Variants in EEF2KMT observed in about 807,000 individuals in gnomAD.
EEF2KMT encodes protein-lysine N-methyltransferase EEF2KMT.
In EEF2KMT, 30 loss-of-function variants were observed where a neutral mutation model predicts 35.1. The ratio of observed to expected loss-of-function variants is 0.85; its 90% confidence interval spans 0.64 to 1.16. The LOEUF (loss-of-function observed/expected upper bound fraction) is 1.16. EEF2KMT is among the 50% of genes most tolerant of loss of function. The probability of loss-of-function intolerance (pLI) is 0.00; values close to 1 mark genes in which losing one functional copy is unlikely to be tolerated. For synonymous variants in EEF2KMT, 190 were observed against 187.7 expected (o/e 1.01, Z -0.10); for missense variants, 499 against 438.2 (o/e 1.14, Z -1.24).
At chr16:5,095,655 A>G in intron 1 of EEF2KMT, 141 bp from the exon 2 acceptor site, 1 of 1,351,566 alleles carries the variant, frequency 7.4e-7, no homozygotes, top group Admixed American at 1.9e-5. Flanking sequence ...CAGCGGCTGA[A>G]AGCCTGACAT....
At position 5,090,873 on chromosome 16, in the gene EEF2KMT, G is replaced by A. The variant is rs1367647822; in HGVS notation, c.343-308C>T. Among the ~76,000 whole-genome samples the A allele has an allele frequency of 1.3e-5, 2 of 152,134 alleles. No homozygotes were observed. The highest frequency in any genetic ancestry group is 2.1e-4 in the South Asian group (1 of 4,814). On this transcript the variant is annotated intron_variant, in intron 4 of 7. Transcript: ENST00000427587. This position sits in a 1 kb window ranked among gnomAD's most constrained non-coding sequence, Gnocchi z 4.1. ...CAGGTGTGGCTATGAAGGGGTGGCT[G>A]CCTTGTGATGATTCAATATGCTGTT... is the stretch of plus-strand genomic sequence containing the variant.
At chr16:5,097,581 C>G in intron 1 of EEF2KMT, 63 bp downstream of exon 1, 2 of 1,528,312 alleles carry the variant, frequency 1.3e-6, no homozygotes, top group Non-Finnish European at 1.7e-6. Context: ...CACGGAGACC[C>G]GTCCCGTCTG....
intron 7 of EEF2KMT, among the ~76,000 whole-genome samples, chr16:5,088,702 TG>T (rs1241083150): frequency 1.3e-5 from 2 of 152,144 alleles, no homozygotes; most frequent in African/African-American, 4.8e-5. Context: ...TTCCACCGAC[TG>T]GGTGCTCAGG....
At chr16:5,096,910 A>G (rs1957480690) in intron 1 of EEF2KMT, among the ~76,000 whole-genome samples, 1 of 152,232 alleles carries the variant, frequency 6.6e-6, no homozygotes, top group Admixed American at 6.5e-5. Flanking sequence ...TCTGAGTGCA[A>G]ATATTTTATG....
chr16:5,085,832 G>T (rs1957143754), intron 7 of EEF2KMT, 100 bp from the exon 8 acceptor site: 6 of 940,648 alleles, frequency 6.4e-6, no homozygotes, highest in Non-Finnish European at 1.1e-5. Flanking sequence ...GGGTAGGGGG[G>T]TGTCCAAGTC....
At position 5,090,534 on chromosome 16, in the gene EEF2KMT, C is replaced by A; in HGVS notation, c.374G>T (p.Ser125Ile). The A allele has an allele frequency of 1.9e-6, 3 of 1,612,032 alleles. No homozygotes were observed. Among genetic ancestry groups the A allele is most frequent in the African/African-American group, 1.3e-5 (1 of 74,970 alleles). The change falls in exon 5 of 8, where the codon AGC becomes ATC. Residue 125 changes from serine (S) to isoleucine (I), a missense_variant. By Grantham distance (142) the Ser-to-Ile change is moderately radical. Coordinates refer to ENST00000427587, the MANE Select transcript of EEF2KMT (RefSeq NM_201400.4). This position sits in a 1 kb window ranked among gnomAD's most constrained non-coding sequence, Gnocchi z 4.1. ...GGTACCGTAGGAGATGATGGCCGTG[C>A]TCTCGGAGAGTGTGACCGAGCCTCC... is the stretch of plus-strand genomic sequence containing the variant. ...PSGGSVTLSE[S>I]TAIISYGTTG...
chr16:5,089,623 T>C (rs1957297223), intron 6 of EEF2KMT, among the ~76,000 whole-genome samples: 1 of 152,114 alleles, frequency 6.6e-6, no homozygotes, highest in Non-Finnish European at 1.5e-5. Flanking sequence ...TGGGCTTGTG[T>C]CCCTGGCCAC....
At chr16:5,096,715 C>T (rs922668105) in intron 1 of EEF2KMT, among the ~76,000 whole-genome samples, 2 of 152,208 alleles carry the variant, frequency 1.3e-5, no homozygotes, top group African/African-American at 2.4e-5. Context: ...CAAACAATCC[C>T]TCTGGTCAAA....
chr16:5,093,931 C>G (rs370283206), intron 2 of EEF2KMT, among the ~76,000 whole-genome samples: 1 of 152,252 alleles, frequency 6.6e-6, no homozygotes, highest in Non-Finnish European at 1.5e-5. Context: ...CACTCGGCAA[C>G]TGCTCTCTTG....
rs750551599 is a variant in EEF2KMT at position 5,090,410 on chromosome 16, C to G, written c.476+22G>C. ...ACCAGGGTAAGCCTGCCTCGGTGCC[C>G]TGCCCTGCGCCCCGAGGTCACCTGT... is the stretch of plus-strand genomic sequence containing the variant. On this transcript the variant is annotated intron_variant, in intron 5 of 7. Coordinates refer to ENST00000427587, the MANE Select transcript of EEF2KMT (RefSeq NM_201400.4). The surrounding 1 kb of genome is among the most constrained non-coding windows in gnomAD (Gnocchi z 4.1). 1.2e-6 allele frequency: 2 copies of G among 1,612,006 alleles called. No homozygotes were observed. Among genetic ancestry groups the G allele is most frequent in the Admixed American group, 3.3e-5 (2 of 60,016 alleles).
rs566915200 is a variant in EEF2KMT at position 5,088,532 on chromosome 16, G to A, written c.892+575C>T. Among the ~76,000 whole-genome samples the A allele has an allele frequency of 2.0e-5, 3 of 152,238 alleles. No individual in the cohort carries two copies. In the South Asian group the frequency reaches 6.2e-4, roughly 32 times the overall value. On this transcript the variant is annotated intron_variant, in intron 7 of 7. Transcript: ENST00000427587. ...TGGGGTGCAGTCTGCGGGAGCTCGG[G>A]GGTCTCTTGGCCTCCGTGTGTCCTA...
Position 5,095,784 on chromosome 16 carries a change from C to T in EEF2KMT, c.97-270G>A, listed in dbSNP as rs950471180. Reference sequence around the variant, plus strand: ...GGGCCAGCTCCCTGGTTGCACTGCTCAGCCAGGAATTACCAGGGCAGCCAT... The same window carrying T: ...GGGCCAGCTCCCTGGTTGCACTGCTTAGCCAGGAATTACCAGGGCAGCCAT... On this transcript the variant is annotated intron_variant, in intron 1 of 7. Coordinates refer to ENST00000427587, the MANE Select transcript of EEF2KMT (RefSeq NM_201400.4). Among the ~76,000 whole-genome samples the T allele has an allele frequency of 2.1e-5, 3 of 143,228 alleles. No individual in the cohort carries two copies. In the East Asian group the frequency reaches 6.4e-4, roughly 30 times the overall value. 94.0% of individuals were successfully genotyped at this position (143,228 alleles called of 152,430 possible).
Position 5,090,707 on chromosome 16 carries a change from T to A in EEF2KMT, c.343-142A>T. On this transcript the variant is annotated intron_variant, in intron 4 of 7. Transcript: ENST00000427587. The surrounding 1 kb of genome is among the most constrained non-coding windows in gnomAD (Gnocchi z 4.1). ...AATGAGAAGCAGCTAACTGTTGGCA[T>A]GCCAACAGCTTTCACGGGCCTCAAG... 3.4e-6 allele frequency: 4 copies of A among 1,164,988 alleles called. No homozygotes were observed. Among genetic ancestry groups the A allele is most frequent in the Non-Finnish European group, 4.9e-6 (4 of 820,614 alleles). 72.2% of individuals were successfully genotyped at this position (1,164,988 alleles called of 1,614,324 possible).
chr16:5,090,406 T>C lies in EEF2KMT; in HGVS notation c.476+26A>G. 1 of 1,611,882 alleles carries C rather than the reference T, an allele frequency of 6.2e-7. No homozygotes were observed. The highest frequency in any genetic ancestry group is 8.5e-7 in the Non-Finnish European group (1 of 1,179,834). On this transcript the variant is annotated intron_variant, in intron 5 of 7. Coordinates refer to ENST00000427587, the MANE Select transcript of EEF2KMT (RefSeq NM_201400.4). The surrounding 1 kb of genome is among the most constrained non-coding windows in gnomAD (Gnocchi z 4.1). The stretch of plus-strand genomic sequence containing the variant: ...CTGCACCAGGGTAAGCCTGCCTCGG[T>C]GCCCTGCCCTGCGCCCCGAGGTCAC...
At chr16:5,087,821 A>T (rs199588841) in intron 7 of EEF2KMT, among the ~76,000 whole-genome samples, 2 of 133,270 alleles carry the variant, frequency 1.5e-5, no homozygotes, top group Non-Finnish European at 3.2e-5. Context: ...AAAAAAAAAA[A>T]GGTGGGTGGG....
At position 5,097,499 on chromosome 16, in the gene EEF2KMT, G is replaced by A. The variant is rs981711899; in HGVS notation, c.96+145C>T. On this transcript the variant is annotated intron_variant, in intron 1 of 7. Transcript: ENST00000427587. ...GCGACTCTGGCCAGGCCCCAGGGAC[G>A]GGGACCGGGTCGCGCGGCCCTGACC... 75 of 1,440,684 alleles carry A rather than the reference G, an allele frequency of 5.2e-5. 1 individual carries two copies. The highest frequency in any genetic ancestry group is 6.5e-5 in the Non-Finnish European group (71 of 1,094,458). 89.2% of individuals were successfully genotyped at this position (1,440,684 alleles called of 1,614,324 possible).
chr16:5,087,800 C>CAAAAAAA (rs34399333), intron 7 of EEF2KMT, among the ~76,000 whole-genome samples: 1 of 73,216 alleles, frequency 1.4e-5, no homozygotes, highest in Non-Finnish European at 2.6e-5. Context: ...GACTCTGTCT[C>CAAAAAAA]AAAAAAAAAA....
At chr16:5,086,445 A>G (rs955784751) in intron 7 of EEF2KMT, 1 of 151,796 alleles carries the variant, frequency 6.6e-6, no homozygotes, top group African/African-American at 2.4e-5. Flanking sequence ...CGTTAGCCAG[A>G]ATGATTCTTT....
Position 5,084,707 on chromosome 16 carries a change from G to T in EEF2KMT, c.*925C>A. The T allele has an allele frequency of 6.3e-7, 1 of 1,596,314 alleles. No individual in the cohort carries two copies. On this transcript the variant is annotated 3_prime_UTR_variant, in exon 8 of 8. Coordinates refer to ENST00000427587, the MANE Select transcript of EEF2KMT (RefSeq NM_201400.4). ...CCAGGTGGTGACCTGGGATGGGGTGGGGACAGGCAATGAGGTAAGCTCTGC... is the reference window on the plus strand; with the variant it reads ...CCAGGTGGTGACCTGGGATGGGGTGTGGACAGGCAATGAGGTAAGCTCTGC...
Sources: gnomAD v4.1 joint callset for allele counts (sites outside exome capture counted in the v4.1 genomes callset) on GRCh38, gnomAD v4.1.1 for gene constraint, Gnocchi (gnomAD v3.1) non-coding constraint, MANE v1.5 for transcripts, NCBI Gene and HGNC (gene_info 2026-07-23, HGNC 2026-07-21) for gene names.